The following SPTBN1 variants were observed in gnomAD, a reference collection of about 807,000 sequenced individuals.
The protein encoded by SPTBN1 is spectrin beta, non-erythrocytic 1.
A neutral mutation model predicts 266.4 loss-of-function variants in SPTBN1; 32 were observed. That is an observed-to-expected ratio of 0.12 (90% CI 0.09 to 0.16). The LOEUF is 0.16. Among genes scored for constraint, SPTBN1 ranks in the 10% least tolerant of loss-of-function variants. The pLI is 1.00. For synonymous variants in SPTBN1, 1,336 were observed against 1,162.2 expected, an observed-to-expected ratio of 1.15 and a Z score of -3.04; for missense variants, 2,296 against 3,067.1, an observed-to-expected ratio of 0.75 and a Z score of 5.94.
At chr2:54,636,747 C>G (rs1381467249) in intron 17 of SPTBN1, among the ~76,000 whole-genome samples, 1 of 152,238 alleles carries the variant, frequency 6.6e-6, no homozygotes, top group African/African-American at 2.4e-5. Context: ...AAACCCAGCT[C>G]TCCTCAGTTG....
rs914227022 is a variant in SPTBN1, at chr2:54,628,517, C to T, written c.1798+267C>T. Among the ~76,000 whole-genome samples, 1 of 152,216 alleles carries T rather than the reference C, an allele frequency of 6.6e-6. No homozygotes were observed. The highest frequency in any genetic ancestry group is 2.4e-5 in the African/African-American group (1 of 41,458). On this transcript the variant is annotated intron_variant, in intron 13 of 35. Transcript: ENST00000356805. The surrounding 1 kb of genome is among the most constrained non-coding windows in gnomAD (Gnocchi z 4.3). ...GTGAGACTTTGTCATACCTCAGTCTCTCTGGCCATGCACCGACACCCTGGT... is the reference window on the plus strand; with the variant it reads ...GTGAGACTTTGTCATACCTCAGTCTTTCTGGCCATGCACCGACACCCTGGT...
intron 2 of SPTBN1, among the ~76,000 whole-genome samples, chr2:54,564,882 G>C (rs942103285): frequency 2.0e-5 from 3 of 152,126 alleles, no homozygotes; most frequent in Non-Finnish European, 4.4e-5. Context: ...GTGAAGTCTG[G>C]GAGCCTGAAG....
At chr2:54,636,516 CCCG>C (rs1679151310) in intron 17 of SPTBN1, among the ~76,000 whole-genome samples, 1 of 152,174 alleles carries the variant, frequency 6.6e-6, no homozygotes, top group African/African-American at 2.4e-5. Flanking sequence ...CCACTGAGGG[CCCG>C]TGTGGTGCAT....
intron 34 of SPTBN1, 32 bp downstream of exon 34, chr2:54,666,120 G>A (rs748677706): frequency 3.8e-6 from 6 of 1,588,136 alleles, no homozygotes; most frequent in South Asian, 3.5e-5. Context: ...GGCTGCCAGA[G>A]TGGGTTTGCA....
intron 5 of SPTBN1, 87 bp from the exon 6 acceptor site, chr2:54,617,521 G>C: frequency 8.0e-7 from 1 of 1,248,772 alleles, no homozygotes; most frequent in Non-Finnish European, 1.2e-6. Flanking sequence ...AATGCTTACA[G>C]ACTTTTTATT....
At chr2:54,491,900 G>A (rs1668704339) in intron 1 of SPTBN1, among the ~76,000 whole-genome samples, 1 of 152,078 alleles carries the variant, frequency 6.6e-6, no homozygotes, top group Admixed American at 6.5e-5. Flanking sequence ...CACCCAGTTT[G>A]TTTCTCTCTT....
chr2:54,536,040 A>T (rs1162131247), intron 2 of SPTBN1, among the ~76,000 whole-genome samples: 1 of 152,162 alleles, frequency 6.6e-6, no homozygotes, highest in Non-Finnish European at 1.5e-5. Flanking sequence ...TAGAGTAAGT[A>T]CTGTAGACTT....
At chr2:54,508,593 T>C (rs974591761) in intron 1 of SPTBN1, among the ~76,000 whole-genome samples, 4 of 152,162 alleles carry the variant, frequency 2.6e-5, no homozygotes, top group Admixed American at 2.6e-4. Context: ...ACGAATAGAA[T>C]GGGCCTGTGA....
At position 54,618,107 on chromosome 2, in the gene SPTBN1, A is replaced by G. The variant is rs1199797472; in HGVS notation, c.677A>G (p.Lys226Arg). The change falls in exon 7 of 36, where the codon AAG becomes AGG. Residue 226 changes from lysine (K) to arginine (R), a missense_variant. Lys to Arg is a conservative substitution (Grantham distance 26, BLOSUM62 2). Coordinates refer to ENST00000356805, the MANE Select transcript of SPTBN1 (RefSeq NM_003128.3). ...GACCTGATAGATTTTGACAAACTAA[A>G]GAAATCTAACGCACACTACAACCTG... Reference protein sequence around the residue: ...RPDLIDFDKLKKSNAHYNLQN... With the variant: ...RPDLIDFDKLRKSNAHYNLQN... 2.5e-6 allele frequency: 4 copies of G among 1,614,218 alleles called. No individual in the cohort carries two copies. In the South Asian group the frequency reaches 4.4e-5, roughly 18 times the overall value.
intron 17 of SPTBN1, among the ~76,000 whole-genome samples, chr2:54,634,945 A>C (rs1271353478): frequency 5.9e-5 from 9 of 152,224 alleles, no homozygotes; most frequent in African/African-American, 1.9e-4. Flanking sequence ...GGGAAATTCC[A>C]GCCACAGCAC....
chr2:54,598,016 G>T (rs1169435158), intron 2 of SPTBN1, among the ~76,000 whole-genome samples: 1 of 152,144 alleles, frequency 6.6e-6, no homozygotes. Flanking sequence ...GAGTCAGGGA[G>T]TAAGAGTGGT....
intron 3 of SPTBN1, among the ~76,000 whole-genome samples, chr2:54,603,844 T>C (rs1030349873): frequency 2.0e-5 from 3 of 152,214 alleles, no homozygotes; most frequent in Non-Finnish European, 2.9e-5. Flanking sequence ...GAAAAAAACA[T>C]AAGCAAGTGC....
intron 1 of SPTBN1, among the ~76,000 whole-genome samples, chr2:54,523,532 C>A (rs1329521016): frequency 6.6e-6 from 1 of 152,118 alleles, no homozygotes; most frequent in African/African-American, 2.4e-5. Flanking sequence ...CTGGTACCAC[C>A]CAAGAGCCTA....
chr2:54,549,116 C>G (rs1180483026), intron 2 of SPTBN1, among the ~76,000 whole-genome samples: 2 of 151,832 alleles, frequency 1.3e-5, no homozygotes, highest in Non-Finnish European at 2.9e-5. Context: ...GTGGTGAAAC[C>G]CCATCTGTAC....
chr2:54,608,843 T>G (rs1677029229), intron 3 of SPTBN1, among the ~76,000 whole-genome samples: 1 of 152,206 alleles, frequency 6.6e-6, no homozygotes, highest in Non-Finnish European at 1.5e-5. Context: ...ATCAATAATA[T>G]AAACAGTCAA....
chr2:54,602,041 C>T (rs1323980676), intron 3 of SPTBN1, among the ~76,000 whole-genome samples: 4 of 152,190 alleles, frequency 2.6e-5, no homozygotes, highest in African/African-American at 9.7e-5. Flanking sequence ...TGCTCCCTCT[C>T]GGTCTCAGGT....
At chr2:54,613,431 T>G (rs987033727) in intron 4 of SPTBN1, among the ~76,000 whole-genome samples, 1 of 152,258 alleles carries the variant, frequency 6.6e-6, no homozygotes, top group African/African-American at 2.4e-5. Context: ...TCCCTTTTCC[T>G]TCTCACTTGC....
chr2:54,670,547 G>C lies in SPTBN1; in HGVS notation c.*1978G>C, dbSNP rs1199230425. The C allele has an allele frequency of 2.5e-6, 1 of 396,312 alleles. No individual in the cohort carries two copies. The highest frequency in any genetic ancestry group is 2.1e-5 in the African/African-American group (1 of 48,584). The allele number at this position is 396,312 out of a possible 1,614,324, so 24.5% of individuals were successfully genotyped here. On this transcript the variant is annotated 3_prime_UTR_variant, in exon 36 of 36. Coordinates refer to ENST00000356805, the MANE Select transcript of SPTBN1 (RefSeq NM_003128.3). ...CAGTCCTTTGCCCTTGCCATGCTCA[G>C]GGTTGGAATCAAGTTGTTCTATTCT...
intron 2 of SPTBN1, among the ~76,000 whole-genome samples, chr2:54,587,569 G>C (rs1675375566): frequency 6.6e-6 from 1 of 152,166 alleles, no homozygotes; most frequent in African/African-American, 2.4e-5. Context: ...ACCTTGGATT[G>C]AAGTCCCCTT....
Sources: allele counts gnomAD v4.1 joint callset (sites outside exome capture counted in the v4.1 genomes callset), GRCh38; gene constraint gnomAD v4.1.1; non-coding constraint Gnocchi (gnomAD v3.1); transcripts MANE v1.5; gene names NCBI Gene and HGNC (gene_info 2026-07-23, HGNC 2026-07-21).